Variants in SLC7A9 observed in about 807,000 individuals in gnomAD.
SLC7A9 encodes the protein B(0,+)-type amino acid transporter 1.
Under a neutral mutation model 54.1 loss-of-function variants are expected in SLC7A9, and 38 were observed. That is an observed-to-expected ratio of 0.70 (90% CI 0.54 to 0.92). The LOEUF (loss-of-function observed/expected upper bound fraction) is 0.92, where lower values mean the gene tolerates loss of function less well. Among genes scored for constraint, SLC7A9 ranks in the 40% least tolerant of loss-of-function variants. SLC7A9 has a pLI of 0.00. For synonymous variants in SLC7A9, 264 were observed against 258.9 expected, an observed-to-expected ratio of 1.02 and a Z score of -0.19; for missense variants, 537 against 636.1, an observed-to-expected ratio of 0.84 and a Z score of 1.68.
chr19:32,848,153 A>T (rs1453438903), intron 9 of SLC7A9, among the ~76,000 whole-genome samples: 2 of 152,254 alleles, frequency 1.3e-5, no homozygotes, highest in African/African-American at 4.8e-5. Flanking sequence ...ACCAGCTAAC[A>T]TCATAATGAC....
chr19:32,851,133 A>C (rs1465243662), intron 9 of SLC7A9, among the ~76,000 whole-genome samples: 1 of 152,238 alleles, frequency 6.6e-6, no homozygotes, highest in Non-Finnish European at 1.5e-5. Flanking sequence ...TAATGTCTAA[A>C]ACACCAAAAG....
intron 11 of SLC7A9, 64 bp from the exon 12 acceptor site, chr19:32,833,387 C>A (rs1037220689): frequency 6.8e-7 from 1 of 1,478,558 alleles, no homozygotes; most frequent in Non-Finnish European, 9.4e-7. Context: ...GATAAAAAAC[C>A]GATTTTTATA....
Position 32,862,129 on chromosome 19 carries a change from G to A in SLC7A9, c.693C>T (p.Ala231=). The A allele has an allele frequency of 6.2e-7, 1 of 1,610,714 alleles. No homozygotes were observed. Among genetic ancestry groups the A allele is most frequent in the Non-Finnish European group, 8.5e-7 (1 of 1,177,248 alleles). The part of the protein sequence containing the change: ...ISLAFYNGLW[A]YDGWNQLNYI... ...TCAGGACACCTCACCATCCATCATA[G>A]GCCCAGAGTCCATTGTAAAACGCCA... The change falls in exon 6 of 13, where the codon GCC becomes GCT. Residue 231 remains alanine, a synonymous_variant. Transcript: ENST00000023064.
Position 32,830,680 on chromosome 19 carries a change from C to T in SLC7A9, c.1404G>A (p.Pro468=), listed in dbSNP as rs141142633. 172 of 1,613,590 alleles carry T rather than the reference C, an allele frequency of 1.1e-4. No homozygotes were observed. The African/African-American group carries it at 1.8e-3, about 17-fold the overall frequency. ...TTAGCATCTGAAGGTGCATGGTAAT[C>T]GGCTCTGAAATAAGAGTCAAAAATG... ...KFGWAQKISK[P]ITMHLQMLME... Residue 468 remains proline (P), a synonymous_variant, in exon 13 of 13, where the codon CCG becomes CCA. Coordinates refer to ENST00000023064, the MANE Select transcript of SLC7A9 (RefSeq NM_014270.5).
chr19:32,830,724 G>A (rs780941122), intron 12 of SLC7A9, 40 bp from the exon 13 acceptor site: 19 of 1,539,436 alleles, frequency 1.2e-5, no homozygotes, highest in Non-Finnish European at 1.5e-5. Context: ...TAGTTAGACT[G>A]AAATTCGAAA....
chr19:32,831,514 C>A (rs1296104722), intron 12 of SLC7A9, among the ~76,000 whole-genome samples: 1 of 152,132 alleles, frequency 6.6e-6, no homozygotes, highest in Non-Finnish European at 1.5e-5. Flanking sequence ...TGGTCTCGAT[C>A]TCCTGACCTC....
Position 32,847,667 on chromosome 19 carries a change from A to T in SLC7A9, c.978-3716T>A, listed in dbSNP as rs187670007. ...TCTAGCAAGGCAGGCCAATATTCAG[A>T]TTCAGGAAATACAGAGAATGCCACA... On this transcript the variant is annotated intron_variant, in intron 9 of 12. Transcript: ENST00000023064. 7.8e-4 allele frequency among the ~76,000 whole-genome samples: 119 copies of T among 152,312 alleles called. 2 individuals are homozygous for T. The highest frequency in any genetic ancestry group is 9.2e-4 in the Admixed American group (14 of 15,296).
At chr19:32,843,374 T>G (rs1455995968) in intron 10 of SLC7A9, among the ~76,000 whole-genome samples, 1 of 151,984 alleles carries the variant, frequency 6.6e-6, no homozygotes, top group Non-Finnish European at 1.5e-5. Flanking sequence ...GGAGAATCAT[T>G]TGAACCTGGG....
intron 1 of SLC7A9, 63 bp downstream of exon 1, chr19:32,869,623 T>A (rs1345269570): frequency 6.6e-6 from 1 of 152,172 alleles, no homozygotes; most frequent in South Asian, 2.1e-4. Context: ...CTAAATAAAT[T>A]ATCTGTCCAG....
chr19:32,864,004 A>G (rs1020575815), intron 4 of SLC7A9, 92 bp downstream of exon 4: 1 of 1,593,422 alleles, frequency 6.3e-7, no homozygotes, highest in South Asian at 1.1e-5. Flanking sequence ...GGCTCTCACC[A>G]GAGACTCACT....
At position 32,862,155 on chromosome 19, in the gene SLC7A9, G is replaced by A; in HGVS notation, c.667C>T (p.Leu223=). The change falls in exon 6 of 13, where the codon CTG becomes TTG. Residue 223 remains leucine, a synonymous_variant. Coordinates refer to ENST00000023064, the MANE Select transcript of SLC7A9 (RefSeq NM_014270.5). The stretch of plus-strand genomic sequence containing the variant: ...GCCCAGAGTCCATTGTAAAACGCCA[G>A]GCTGATGGCTCCCACAGACAGCTGG... ...GAQLSVGAIS[L]AFYNGLWAYD... is the part of the protein sequence containing the mutation. 9 of 1,613,042 alleles carry A rather than the reference G, an allele frequency of 5.6e-6. No homozygotes were observed. Among genetic ancestry groups the A allele is most frequent in the Non-Finnish European group, 6.8e-6 (8 of 1,179,328 alleles).
intron 2 of SLC7A9, among the ~76,000 whole-genome samples, chr19:32,866,422 G>A (rs1324067572): frequency 6.6e-6 from 1 of 152,166 alleles, no homozygotes; most frequent in Non-Finnish European, 1.5e-5. Context: ...AGTAGACCCA[G>A]CTCAGATTTT....
At chr19:32,865,182 C>A (rs77432524) in intron 2 of SLC7A9, among the ~76,000 whole-genome samples, 1 of 152,180 alleles carries the variant, frequency 6.6e-6, no homozygotes, top group East Asian at 1.9e-4. Context: ...CCTCGGGATA[C>A]GCCTCTGAGC....
intron 12 of SLC7A9, chr19:32,832,872 G>A (rs943936376): frequency 4.8e-6 from 2 of 416,484 alleles, no homozygotes; most frequent in Non-Finnish European, 9.0e-6. Flanking sequence ...CCATGCCACT[G>A]CACTTTAGCC....
chr19:32,833,723 G>A (rs1438521182), intron 11 of SLC7A9, among the ~76,000 whole-genome samples: 1 of 151,878 alleles, frequency 6.6e-6, no homozygotes, highest in Non-Finnish European at 1.5e-5. Context: ...CTTGAACCCA[G>A]GAGGCAGAGG....
chr19:32,857,573 A>C (rs1968664583), intron 9 of SLC7A9, among the ~76,000 whole-genome samples: 1 of 152,202 alleles, frequency 6.6e-6, no homozygotes, highest in Non-Finnish European at 1.5e-5. Context: ...TGGCTTTAGA[A>C]GAATGATTTT....
intron 6 of SLC7A9, 145 bp from the exon 7 acceptor site, chr19:32,860,795 A>T: frequency 8.8e-7 from 1 of 1,134,012 alleles, no homozygotes. Flanking sequence ...ATTTTTTTCC[A>T]GGTGAATGGC....
At chr19:32,857,173 G>A (rs369327321) in intron 9 of SLC7A9, among the ~76,000 whole-genome samples, 18 of 152,018 alleles carry the variant, frequency 1.2e-4, no homozygotes, top group African/African-American at 4.3e-4. Context: ...GGCTGGGCAC[G>A]ATAGCTCATG....
At chr19:32,832,078 C>T (rs1967812934) in intron 12 of SLC7A9, among the ~76,000 whole-genome samples, 1 of 151,968 alleles carries the variant, frequency 6.6e-6, no homozygotes, top group Non-Finnish European at 1.5e-5. Flanking sequence ...GAGTTCAAGA[C>T]CAGCCTGGCC....
Sources: gnomAD v4.1 joint callset for allele counts (sites outside exome capture counted in the v4.1 genomes callset) on GRCh38, gnomAD v4.1.1 for gene constraint, MANE v1.5 for transcripts, NCBI Gene and HGNC (gene_info 2026-07-23, HGNC 2026-07-21) for gene names.